Variants in IL34 observed in about 807,000 individuals in gnomAD.
IL34 encodes the protein interleukin 34.
In IL34, 17 loss-of-function variants were observed where a neutral mutation model predicts 25.3. That is an observed-to-expected ratio of 0.67 (90% CI 0.46 to 1.01). The LOEUF (loss-of-function observed/expected upper bound fraction) is 1.01, where lower values mean the gene tolerates loss of function less well. IL34 is among the 50% of genes least tolerant of loss of function. The pLI is 0.00. For synonymous variants in IL34, 174 were observed against 140.9 expected (o/e 1.23, Z -1.66); for missense variants, 368 against 312.9 (o/e 1.18, Z -1.33).
At chr16:70,617,131 C>T (rs1285953921) in intron 1 of IL34, among the ~76,000 whole-genome samples, 10 of 151,898 alleles carry the variant, frequency 6.6e-5, no homozygotes. Context: ...TTAGAAGAAA[C>T]ATTTGTTGTG....
intron 1 of IL34, among the ~76,000 whole-genome samples, chr16:70,653,121 G>T (rs984038241): frequency 6.6e-6 from 1 of 152,122 alleles, no homozygotes; most frequent in African/African-American, 2.4e-5. Flanking sequence ...CCTGAGGCAC[G>T]AGAATTGCTT....
intron 1 of IL34, among the ~76,000 whole-genome samples, chr16:70,652,904 G>T (rs755022839): frequency 2.6e-5 from 4 of 152,094 alleles, no homozygotes; most frequent in Non-Finnish European, 5.9e-5. Context: ...TTGTTAAAAC[G>T]AAATGAGCTG....
At chr16:70,605,951 C>A (rs143171325) in intron 1 of IL34, among the ~76,000 whole-genome samples, 16,311 of 142,544 alleles carry the variant, frequency 0.11, 1,245 homozygotes, top group African/African-American at 0.22. Context: ...GGATTACAGG[C>A]GTGAGCCACC....
At chr16:70,588,975 T>C (rs2050722923) in intron 1 of IL34, among the ~76,000 whole-genome samples, 1 of 152,168 alleles carries the variant, frequency 6.6e-6, no homozygotes. Flanking sequence ...ATGGTGGTGA[T>C]GGTAACACAA....
In IL34 at chr16:70,627,120, G is replaced by T. The variant is rs530383352; in HGVS notation, c.-400-19428G>T. Among the ~76,000 whole-genome samples, 39 of 152,150 alleles carry T rather than the reference G, an allele frequency of 2.6e-4. 1 individual carries two copies. The South Asian group carries it at 8.1e-3, about 32-fold the overall frequency. ...TGGGATTACAGGCCTGAGCCACTAA[G>T]CCTGGCCCTAAAAAATATATTTTAA... On this transcript the variant is annotated intron_variant, in intron 1 of 6. Coordinates refer to the IL34 transcript ENST00000429149.
intron 1 of IL34, among the ~76,000 whole-genome samples, chr16:70,605,029 G>A (rs1202140300): frequency 6.6e-6 from 1 of 152,182 alleles, no homozygotes; most frequent in African/African-American, 2.4e-5. Flanking sequence ...GGCTGGTGGG[G>A]GAAGGGAGAA....
intron 1 of IL34, among the ~76,000 whole-genome samples, chr16:70,630,493 A>G (rs945120387): frequency 3.3e-5 from 5 of 151,590 alleles, no homozygotes; most frequent in Admixed American, 1.3e-4. Context: ...CGGCCTCCCA[A>G]AGTGCTGGGA....
chr16:70,613,069 G>T (rs11646648), intron 1 of IL34, among the ~76,000 whole-genome samples: 2 of 152,160 alleles, frequency 1.3e-5, no homozygotes, highest in East Asian at 1.9e-4. Context: ...CACTGTGCCC[G>T]GCCTCAGACC....
At chr16:70,628,625 T>C (rs1399790207) in intron 1 of IL34, among the ~76,000 whole-genome samples, 2 of 151,802 alleles carry the variant, frequency 1.3e-5, no homozygotes, top group Non-Finnish European at 2.9e-5. Context: ...CAGCTGGGAT[T>C]ACAGGCACCC....
chr16:70,655,691 C>A (rs560651282), intron 2 of IL34, among the ~76,000 whole-genome samples: 1 of 152,088 alleles, frequency 6.6e-6, no homozygotes, highest in Non-Finnish European at 1.5e-5. Flanking sequence ...CATGCCTGAC[C>A]AATGTATCTT....
intron 4 of IL34, 109 bp from the exon 5 acceptor site, chr16:70,659,509 G>C: frequency 7.4e-7 from 1 of 1,358,126 alleles, no homozygotes; most frequent in South Asian, 1.6e-5. Context: ...CAGGAAGTCT[G>C]GTCCTTCTTC....
At position 70,660,299 on chromosome 16, in the gene IL34, C is replaced by G; in HGVS notation, c.*112C>G. 1 of 997,232 alleles carries G rather than the reference C, an allele frequency of 1.0e-6. No individual in the cohort carries two copies. The highest frequency in any genetic ancestry group is 1.4e-6 in the Non-Finnish European group (1 of 707,360). 61.8% of individuals were successfully genotyped at this position (997,232 alleles called of 1,614,324 possible). The stretch of plus-strand genomic sequence containing the variant: ...TGGGAGCCCCCCTTGGGAGAGGACC[C>G]CTGGGAAGGGTGTTTTTCCTTTGAG... On this transcript the variant is annotated 3_prime_UTR_variant, in exon 6 of 6. Transcript: ENST00000288098.
At chr16:70,612,705 C>G (rs2051108659) in intron 1 of IL34, among the ~76,000 whole-genome samples, 1 of 152,210 alleles carries the variant, frequency 6.6e-6, no homozygotes, top group Admixed American at 6.5e-5. Context: ...AATCTGGAGC[C>G]TTTGGGGCTC....
intron 1 of IL34, among the ~76,000 whole-genome samples, chr16:70,605,657 C>T (rs532186998): frequency 6.6e-6 from 1 of 152,010 alleles, no homozygotes; most frequent in Non-Finnish European, 1.5e-5. Flanking sequence ...AATGAGACCT[C>T]TTCTCTCTTC....
intron 4 of IL34, chr16:70,657,409 C>T: frequency 2.7e-6 from 1 of 363,986 alleles, no homozygotes; most frequent in South Asian, 4.6e-5. Flanking sequence ...AGTCATCGTA[C>T]CCTCTTTGTT....
intron 1 of IL34, among the ~76,000 whole-genome samples, chr16:70,616,063 C>A (rs1359345381): frequency 6.6e-6 from 1 of 152,178 alleles, no homozygotes. Context: ...CATTCAGTGT[C>A]TTGCTTGTTT....
At chr16:70,628,464 T>A (rs2051443700) in intron 1 of IL34, among the ~76,000 whole-genome samples, 1 of 150,964 alleles carries the variant, frequency 6.6e-6, no homozygotes, top group Non-Finnish European at 1.5e-5. Context: ...AGTGTGTGGG[T>A]TTGTTTTTAT....
chr16:70,644,087 G>A (rs1276413664), upstream of IL34, among the ~76,000 whole-genome samples: 1 of 152,178 alleles, frequency 6.6e-6, no homozygotes, highest in Non-Finnish European at 1.5e-5. Flanking sequence ...TGATTCTGCT[G>A]CCTCAGCCTC....
At chr16:70,632,522 C>G (rs561543790) in intron 1 of IL34, among the ~76,000 whole-genome samples, 1 of 152,296 alleles carries the variant, frequency 6.6e-6, no homozygotes, top group Admixed American at 6.5e-5. Flanking sequence ...TGGGCCAATG[C>G]TTTCGGCTCC....
Sources: allele counts gnomAD v4.1 joint callset (sites outside exome capture counted in the v4.1 genomes callset), GRCh38; gene constraint gnomAD v4.1.1; transcripts MANE v1.5; gene names NCBI Gene and HGNC (gene_info 2026-07-23, HGNC 2026-07-21).